The following ADCY3 variants were observed in gnomAD, a reference collection of about 807,000 sequenced individuals.
ADCY3 encodes the protein adenylate cyclase 3.
A neutral mutation model predicts 119.4 loss-of-function variants in ADCY3; 70 were observed. The observed-to-expected ratio is 0.59, with a 90% CI of 0.48 to 0.72. The LOEUF (loss-of-function observed/expected upper bound fraction) is 0.72, where lower values mean the gene tolerates loss of function less well. ADCY3 is among the 30% of genes least tolerant of loss of function. The probability of loss-of-function intolerance (pLI) is 0.00; values close to 1 mark genes in which losing one functional copy is unlikely to be tolerated. For synonymous variants in ADCY3, 672 were observed against 621.4 expected (o/e 1.08, Z -1.21); for missense variants, 1,238 against 1,541.6 (o/e 0.80, Z 3.30).
At chr2:24,890,663 G>T (rs78204594) in intron 2 of ADCY3, among the ~76,000 whole-genome samples, 2 of 152,132 alleles carry the variant, frequency 1.3e-5, no homozygotes, top group Admixed American at 6.5e-5. Flanking sequence ...TCCCGGTACT[G>T]GTCATTTGTG....
chr2:24,859,558 C>T (rs979940997), intron 3 of ADCY3, among the ~76,000 whole-genome samples: 2 of 152,188 alleles, frequency 1.3e-5, no homozygotes, highest in African/African-American at 4.8e-5. Context: ...GAAACAGTGA[C>T]CAGGCTTGGG....
intron 2 of ADCY3, among the ~76,000 whole-genome samples, chr2:24,881,990 A>G (rs1176643924): frequency 6.6e-6 from 1 of 152,236 alleles, no homozygotes; most frequent in Admixed American, 6.5e-5. Flanking sequence ...GCCTGGAACA[A>G]CGCCTTCTTC....
chr2:24,888,046 C>T (rs1367012875), intron 2 of ADCY3, among the ~76,000 whole-genome samples: 1 of 152,218 alleles, frequency 6.6e-6, no homozygotes, highest in African/African-American at 2.4e-5. Flanking sequence ...CCAAATTTGG[C>T]TGTGCTGACA....
chr2:24,865,489 C>CTGTGTGTGTGTGTG lies in ADCY3; in HGVS notation c.825+7067_825+7080dup, dbSNP rs3222240. On this transcript the variant is annotated intron_variant, in intron 3 of 21. Coordinates refer to ENST00000679454, the MANE Select transcript of ADCY3 (RefSeq NM_004036.5). ...TACAAAAGAGTGAATAGGCTATCAT[C>CTGTGTGTGTGTGTG]TGTGTGTGTGTGTGTGTGTGTGTGT... Among the ~76,000 whole-genome samples the CTGTGTGTGTGTGTG allele has an allele frequency of 9.6e-4, 135 of 140,528 alleles. 1 individual carries two copies. Among genetic ancestry groups the CTGTGTGTGTGTGTG allele is most frequent in the Non-Finnish European group, 1.6e-3 (105 of 64,156 alleles). The allele number at this position is 140,528 out of a possible 152,430, so 92.2% of individuals were successfully genotyped here.
Position 24,842,352 on chromosome 2 carries a change from G to A in ADCY3, c.858C>T (p.His286=), listed in dbSNP as rs770143076. 11 of 1,614,178 alleles carry A rather than the reference G, an allele frequency of 6.8e-6. No homozygotes were observed. In the South Asian group the frequency reaches 8.8e-5, roughly 13 times the overall value. ...ENLMLSILPK[H]VADEMLKDMK... ...TGTCTTTCAGCATCTCGTCAGCCAC[G>A]TGCTTGGGCAGGATGGAAAGCATGA... The change falls in exon 4 of 22, where the codon CAC becomes CAT. Residue 286 remains histidine, a synonymous_variant. Coordinates refer to ENST00000679454, the MANE Select transcript of ADCY3 (RefSeq NM_004036.5). The surrounding 1 kb of genome is among the most constrained non-coding windows in gnomAD (Gnocchi z 4.9).
At chr2:24,826,010 G>C in intron 16 of ADCY3, 35 bp downstream of exon 16, 1 of 1,602,628 alleles carries the variant, frequency 6.2e-7, no homozygotes. Context: ...TGTGGGCTGT[G>C]GGCACAGAGC....
intron 2 of ADCY3, among the ~76,000 whole-genome samples, chr2:24,885,484 T>C (rs1036382537): frequency 2.0e-5 from 3 of 152,230 alleles, no homozygotes; most frequent in African/African-American, 7.2e-5. Context: ...CTCAGTAACA[T>C]TGGCTGAACG....
intron 12 of ADCY3, 65 bp from the exon 13 acceptor site, chr2:24,830,890 A>T: frequency 7.8e-7 from 1 of 1,288,934 alleles, no homozygotes; most frequent in Non-Finnish European, 1.1e-6. Context: ...GACGTGACTG[A>T]CAGCAACTCA....
At chr2:24,859,240 G>A (rs76259681) in intron 3 of ADCY3, among the ~76,000 whole-genome samples, 9,540 of 152,272 alleles carry the variant, frequency 0.063, 400 homozygotes, top group East Asian at 0.095. Context: ...CATTAGACGC[G>A]GAGAATGCCA....
chr2:24,823,315 A>G lies in ADCY3; in HGVS notation c.2777T>C (p.Phe926Ser). The G allele has an allele frequency of 6.2e-7, 1 of 1,613,860 alleles. No homozygotes were observed. Among genetic ancestry groups the G allele is most frequent in the Non-Finnish European group, 8.5e-7 (1 of 1,179,968 alleles). ...GTCAGCAAAGTTGGGCAGGGAGGCAAACATGACTCCAATCTCATCATACGT... is the reference window on the plus strand; with the variant it reads ...GTCAGCAAAGTTGGGCAGGGAGGCAGACATGACTCCAATCTCATCATACGT... ...SQTYDEIGVM[F>S]ASLPNFADFY... Residue 926 changes from phenylalanine to serine, a missense_variant, in exon 18 of 22, where the codon TTT becomes TCT. Physicochemically the swap from Phe to Ser is radical, Grantham distance 155. This residue lies in a region of ADCY3 where 499 missense variants were observed against 571.0 expected (regional missense o/e 0.87). Coordinates refer to ENST00000679454, the MANE Select transcript of ADCY3 (RefSeq NM_004036.5).
Position 24,819,844 on chromosome 2 carries a change from C to T in ADCY3, c.*88G>A, listed in dbSNP as rs1667275720. ...TCTAAACCTAAAGTCCATGAGTGTG[C>T]ACTTCAATCCAGGAAGGTCGGGACT... On this transcript the variant is annotated 3_prime_UTR_variant, in exon 22 of 22. Coordinates refer to ENST00000679454, the MANE Select transcript of ADCY3 (RefSeq NM_004036.5). 1.4e-6 allele frequency: 2 copies of T among 1,380,642 alleles called. No homozygotes were observed. The highest frequency in any genetic ancestry group is 1.3e-5 in the South Asian group (1 of 74,332). 85.5% of individuals were successfully genotyped at this position (1,380,642 alleles called of 1,614,324 possible).
chr2:24,840,224 C>G (rs1021174342), intron 6 of ADCY3, among the ~76,000 whole-genome samples, 193 bp from the exon 7 acceptor site: 5 of 152,218 alleles, frequency 3.3e-5, no homozygotes, highest in African/African-American at 1.2e-4. Context: ...GCATCACAGG[C>G]CAGCAGGACG....
intron 2 of ADCY3, among the ~76,000 whole-genome samples, chr2:24,877,147 T>C (rs1675814207): frequency 6.6e-6 from 1 of 152,262 alleles, no homozygotes; most frequent in Non-Finnish European, 1.5e-5. Context: ...CCTGCCACTG[T>C]GTGCGGGAAG....
At chr2:24,888,924 G>C (rs1344535106) in intron 2 of ADCY3, among the ~76,000 whole-genome samples, 3 of 152,190 alleles carry the variant, frequency 2.0e-5, no homozygotes, top group Non-Finnish European at 4.4e-5. Flanking sequence ...CAGGAGAATT[G>C]CTTGAACCCG....
chr2:24,909,699 G>C (rs1372244742), intron 2 of ADCY3, among the ~76,000 whole-genome samples: 1 of 152,130 alleles, frequency 6.6e-6, no homozygotes, highest in African/African-American at 2.4e-5. Context: ...GCATTCTGTG[G>C]TCACAGAGTA....
At chr2:24,866,581 A>AG (rs1421606029) in intron 3 of ADCY3, among the ~76,000 whole-genome samples, 7 of 150,212 alleles carry the variant, frequency 4.7e-5, no homozygotes, top group East Asian at 1.9e-4. Context: ...AAAAAAAAAA[A>AG]AAAAGAAAAA....
At chr2:24,852,817 G>A (rs1672497499) in intron 3 of ADCY3, among the ~76,000 whole-genome samples, 1 of 152,234 alleles carries the variant, frequency 6.6e-6, no homozygotes, top group Non-Finnish European at 1.5e-5. Flanking sequence ...GTGCAGCCCT[G>A]GTTCAGCCGA....
intron 3 of ADCY3, among the ~76,000 whole-genome samples, chr2:24,870,116 A>G (rs1311550158): frequency 6.6e-6 from 1 of 151,572 alleles, no homozygotes; most frequent in African/African-American, 2.4e-5. Flanking sequence ...TTTTGAGACC[A>G]GCCTGGCCAA....
chr2:24,834,449 G>T lies in ADCY3; in HGVS notation c.1967+36C>A, dbSNP rs370973130. 1 of 1,439,458 alleles carries T rather than the reference G, an allele frequency of 6.9e-7. No homozygotes were observed. The allele number at this position is 1,439,458 out of a possible 1,614,324, so 89.2% of individuals were successfully genotyped here. A position where few individuals can be genotyped will look rare whatever the true frequency, so the allele number is the denominator to read the frequency against. ...CCCCCCGCCCGGCACCACCGCAGCC[G>T]AGGAAACTCGTGGCCCTCCCCGGCC... On this transcript the variant is annotated intron_variant, in intron 11 of 21. Transcript: ENST00000679454. The surrounding 1 kb of genome is among the most constrained non-coding windows in gnomAD (Gnocchi z 4.2).
Sources: gnomAD v4.1 joint callset for allele counts (sites outside exome capture counted in the v4.1 genomes callset) on GRCh38, gnomAD v4.1.1 for gene constraint, gnomAD v4.1.1 regional missense constraint, Gnocchi (gnomAD v3.1) non-coding constraint, MANE v1.5 for transcripts, NCBI Gene and HGNC (gene_info 2026-07-23, HGNC 2026-07-21) for gene names.